SLC25A46: variants seen among roughly 807,000 people sequenced by gnomAD.
The protein encoded by SLC25A46 is mitochondrial outer membrane protein SLC25A46.
SLC25A46 carries 39 observed loss-of-function variants against 44.6 expected under a neutral mutation model. That is an observed-to-expected ratio of 0.87 (90% CI 0.68 to 1.14). The LOEUF (loss-of-function observed/expected upper bound fraction) is 1.14, where lower values mean the gene tolerates loss of function less well. Among genes scored for constraint, SLC25A46 ranks in the 50% most tolerant of loss-of-function variants. SLC25A46 has a pLI of 0.00. For missense variants in SLC25A46, 547 were observed against 522.7 expected (o/e 1.05, Z -0.45); for synonymous variants, 202 against 185.8 (o/e 1.09, Z -0.71).
rs116355833 is a variant in SLC25A46 at position 110,739,572 on chromosome 5, C to A, written c.283+170C>A. Among the ~76,000 whole-genome samples, 1,592 of 152,328 alleles carry A rather than the reference C, an allele frequency of 0.01. 22 individuals are homozygous for A. The highest frequency in any genetic ancestry group is 0.036 in the African/African-American group (1,479 of 41,580). On this transcript the variant is annotated intron_variant, in intron 1 of 7. Transcript: ENST00000355943. ...CCTCTGCCCCTGAGGCTGGCCTCCT[C>A]TTCCTCACAAACGAATTCTCCTGGA...
chr5:110,749,685 C>T (rs1799912361), intron 5 of SLC25A46, among the ~76,000 whole-genome samples: 1 of 151,798 alleles, frequency 6.6e-6, no homozygotes, highest in Non-Finnish European at 1.5e-5. Flanking sequence ...GCTTTTGGGT[C>T]TCTCTTTTCT....
chr5:110,758,483 T>C (rs1235069490), intron 7 of SLC25A46, among the ~76,000 whole-genome samples: 1 of 152,170 alleles, frequency 6.6e-6, no homozygotes, highest in African/African-American at 2.4e-5. Context: ...ATTTCTTTCA[T>C]CCTTCATAAT....
chr5:110,742,300 CCAATT>C (rs1214525776), intron 2 of SLC25A46, among the ~76,000 whole-genome samples: 2 of 151,984 alleles, frequency 1.3e-5, no homozygotes, highest in Non-Finnish European at 2.9e-5. Context: ...GACTAGTCAT[CCAATT>C]TTATAAACAC....
chr5:110,743,907 T>C (rs1415059540), intron 3 of SLC25A46, 120 bp downstream of exon 3: 1 of 734,756 alleles, frequency 1.4e-6, no homozygotes, highest in East Asian at 3.0e-5. Flanking sequence ...TTCCAAACTT[T>C]TTGGTCTCAA....
intron 1 of SLC25A46, among the ~76,000 whole-genome samples, chr5:110,741,228 GT>G (rs1475482782): frequency 6.6e-6 from 1 of 152,180 alleles, no homozygotes; most frequent in Non-Finnish European, 1.5e-5. Flanking sequence ...ATGACTTTGA[GT>G]TTAGTCAAGA....
At chr5:110,745,480 C>G (rs1799793835) in intron 3 of SLC25A46, 1 of 152,312 alleles carries the variant, frequency 6.6e-6, no homozygotes, top group African/African-American at 2.4e-5. Context: ...GTCTCGATCT[C>G]CTGACCTCAT....
chr5:110,738,365 G>C, upstream of SLC25A46: 1 of 649,110 alleles, frequency 1.5e-6, no homozygotes, highest in Non-Finnish European at 2.0e-6. Flanking sequence ...AAAAAAATAC[G>C]ACAGAAAACT....
At position 110,762,048 on chromosome 5, in the gene SLC25A46, C is replaced by T. The variant is rs1800267647; in HGVS notation, c.*266C>T. 6.9e-6 allele frequency: 2 copies of T among 291,938 alleles called. No homozygotes were observed. Among genetic ancestry groups the T allele is most frequent in the Non-Finnish European group, 1.3e-5 (2 of 156,732 alleles). The allele number at this position is 291,938 out of a possible 1,614,324, so 18.1% of individuals were successfully genotyped here. A position where few individuals can be genotyped will look rare whatever the true frequency, so the allele number is the denominator to read the frequency against. On this transcript the variant is annotated 3_prime_UTR_variant, in exon 8 of 8. Transcript: ENST00000355943. ...GCACTCATGCTGAAGTAAACATGAT[C>T]GTAGGCAGAAGCAAAATTTTATTAT...
intron 1 of SLC25A46, among the ~76,000 whole-genome samples, chr5:110,740,656 T>C (rs1231502081): frequency 6.6e-6 from 1 of 152,056 alleles, no homozygotes; most frequent in Non-Finnish European, 1.5e-5. Flanking sequence ...GATCTATACA[T>C]ACAAAATGGG....
rs907213520 is a variant in SLC25A46 at position 110,762,229 on chromosome 5, T to G, written c.*447T>G. 1 of 154,222 alleles carries G rather than the reference T, an allele frequency of 6.5e-6. No homozygotes were observed. The highest frequency in any genetic ancestry group is 1.4e-5 in the Non-Finnish European group (1 of 69,508). The allele number at this position is 154,222 out of a possible 1,614,324, so 9.6% of individuals were successfully genotyped here. A position where few individuals can be genotyped will look rare whatever the true frequency, so the allele number is the denominator to read the frequency against. On this transcript the variant is annotated 3_prime_UTR_variant, in exon 8 of 8. Coordinates refer to ENST00000355943, the MANE Select transcript of SLC25A46 (RefSeq NM_138773.4). Reference sequence around the variant, plus strand: ...TAATACAATCAGGAGGTTTTTACCTTTAAGCAAATAAATTATGTCATTATT... The same window carrying G: ...TAATACAATCAGGAGGTTTTTACCTGTAAGCAAATAAATTATGTCATTATT...
chr5:110,741,829 T>C (rs1799697910), intron 1 of SLC25A46: 2 of 405,428 alleles, frequency 4.9e-6, no homozygotes, highest in Non-Finnish European at 4.4e-6. Context: ...AATTGTGCTT[T>C]AAACACTCTA....
chr5:110,758,696 C>T (rs1241921963), intron 7 of SLC25A46, among the ~76,000 whole-genome samples: 3 of 151,830 alleles, frequency 2.0e-5, no homozygotes, highest in African/African-American at 7.3e-5. Context: ...ATGGAAGAAT[C>T]GCTTGAACCC....
Position 110,755,464 on chromosome 5 carries a change from G to T in SLC25A46, c.564-1G>T. Reference sequence around the variant, plus strand: ...TATTTAAGTTTATTTTTATGTTTTAGGGAGGTTTTACATAAATGGAGTCCT... The same window carrying T: ...TATTTAAGTTTATTTTTATGTTTTATGGAGGTTTTACATAAATGGAGTCCT... On this transcript the variant is annotated splice_acceptor_variant, in intron 5 of 7. Transcript: ENST00000355943. LOFTEE classifies it high-confidence loss of function. 1.3e-6 allele frequency: 2 copies of T among 1,543,270 alleles called. No individual in the cohort carries two copies. Among genetic ancestry groups the T allele is most frequent in the South Asian group, 2.4e-5 (2 of 83,306 alleles).
At chr5:110,744,077 A>G (rs1377094787) in intron 3 of SLC25A46, among the ~76,000 whole-genome samples, 1 of 152,198 alleles carries the variant, frequency 6.6e-6, no homozygotes, top group African/African-American at 2.4e-5. Flanking sequence ...GTAAGATAAT[A>G]TGTTTTTATG....
chr5:110,762,619 A>C lies in SLC25A46; in HGVS notation c.*837A>C, dbSNP rs1800284714. ...TTTGGTTTGCTTTGCTAGTTGTGTG[A>C]ATCATTGGGCTGTTTTTAGAGCCAC... On this transcript the variant is annotated 3_prime_UTR_variant, in exon 8 of 8. Coordinates refer to ENST00000355943, the MANE Select transcript of SLC25A46 (RefSeq NM_138773.4). The C allele has an allele frequency of 6.6e-6, 1 of 151,934 alleles. No homozygotes were observed. The highest frequency in any genetic ancestry group is 2.1e-4 in the South Asian group (1 of 4,830). 9.4% of individuals were successfully genotyped at this position (151,934 alleles called of 1,614,324 possible).
intron 3 of SLC25A46, among the ~76,000 whole-genome samples, chr5:110,745,053 G>A (rs1799782103): frequency 6.6e-6 from 1 of 152,190 alleles, no homozygotes; most frequent in Non-Finnish European, 1.5e-5. Flanking sequence ...TGATGGTGCT[G>A]CCTCAATTTG....
intron 3 of SLC25A46, among the ~76,000 whole-genome samples, chr5:110,745,352 C>T (rs1012626564): frequency 6.6e-6 from 1 of 152,040 alleles, no homozygotes; most frequent in African/African-American, 2.4e-5. Flanking sequence ...CTCCTGGGTT[C>T]ACGCCATTCT....
At chr5:110,739,601 A>C (rs1228977469) in intron 1 of SLC25A46, among the ~76,000 whole-genome samples, 199 bp downstream of exon 1, 1 of 152,104 alleles carries the variant, frequency 6.6e-6, no homozygotes, top group Non-Finnish European at 1.5e-5. Flanking sequence ...TCCTGGATCA[A>C]CTCCAAAAAA....
intron 3 of SLC25A46, among the ~76,000 whole-genome samples, chr5:110,745,023 G>A (rs1418550571): frequency 6.6e-6 from 1 of 152,172 alleles, no homozygotes; most frequent in Non-Finnish European, 1.5e-5. Flanking sequence ...AAAAATTACT[G>A]TAAGTACGAA....
Sources: gnomAD v4.1 joint callset for allele counts (sites outside exome capture counted in the v4.1 genomes callset) on GRCh38, gnomAD v4.1.1 for gene constraint, MANE v1.5 for transcripts, NCBI Gene and HGNC (gene_info 2026-07-23, HGNC 2026-07-21) for gene names.